Variants in SERGEF observed in about 807,000 individuals in gnomAD.
SERGEF encodes secretion regulating guanine nucleotide exchange factor, also known as secretion-regulating guanine nucleotide exchange factor.
In SERGEF, 51 loss-of-function variants were observed where a neutral mutation model predicts 50.0. That is an observed-to-expected ratio of 1.02 (90% CI 0.81 to 1.29). The LOEUF is 1.29. SERGEF is among the 50% of genes most tolerant of loss of function. The pLI, the probability that SERGEF is intolerant of heterozygous loss-of-function variation, is 0.00. For missense variants in SERGEF, 521 were observed against 557.0 expected (o/e 0.94, Z 0.65); for synonymous variants, 205 against 212.4 (o/e 0.97, Z 0.30).
chr11:17,968,473 G>A (rs1253232335), intron 8 of SERGEF, among the ~76,000 whole-genome samples: 2 of 152,088 alleles, frequency 1.3e-5, no homozygotes, highest in Admixed American at 1.3e-4. Context: ...AGGATCACTT[G>A]AGCCTTGAGT....
At chr11:17,890,306 G>A (rs1851509527) in intron 9 of SERGEF, among the ~76,000 whole-genome samples, 1 of 152,200 alleles carries the variant, frequency 6.6e-6, no homozygotes, top group Non-Finnish European at 1.5e-5. Flanking sequence ...GTTTCTCATA[G>A]TCAGGGAAAT....
intron 10 of SERGEF, among the ~76,000 whole-genome samples, chr11:17,800,010 C>G (rs897278329): frequency 6.6e-6 from 1 of 151,994 alleles, no homozygotes. Flanking sequence ...GATCAAACCC[C>G]GAAGGGAAGA....
chr11:17,891,972 A>G (rs562903323), intron 9 of SERGEF, among the ~76,000 whole-genome samples: 1 of 152,310 alleles, frequency 6.6e-6, no homozygotes, highest in East Asian at 1.9e-4. Context: ...AATTCTGAAA[A>G]TAAGTATTTG....
At chr11:17,958,183 C>T (rs971484896) in intron 9 of SERGEF, among the ~76,000 whole-genome samples, 3 of 152,144 alleles carry the variant, frequency 2.0e-5, no homozygotes, top group Non-Finnish European at 2.9e-5. Flanking sequence ...AATTGAGAAG[C>T]GTCCTACATA....
intron 8 of SERGEF, among the ~76,000 whole-genome samples, chr11:17,963,179 T>C (rs1708871): frequency 1 from 116,556 of 116,606 alleles, 58,253 homozygotes; most frequent in Middle Eastern, 1. Context: ...GAGACTCTGT[T>C]TCAAAAAAAA....
intron 10 of SERGEF, among the ~76,000 whole-genome samples, chr11:17,858,171 T>C (rs938750682): frequency 1.3e-5 from 2 of 152,176 alleles, no homozygotes; most frequent in Admixed American, 6.5e-5. Flanking sequence ...AAAGTATATT[T>C]ATGGGGGGTA....
chr11:17,941,681 T>C (rs1852565013), intron 9 of SERGEF, among the ~76,000 whole-genome samples: 1 of 152,238 alleles, frequency 6.6e-6, no homozygotes, highest in Admixed American at 6.5e-5. Flanking sequence ...ATGGTAATTC[T>C]ATTTTTAATG....
intron 10 of SERGEF, among the ~76,000 whole-genome samples, chr11:17,846,948 G>A (rs903121816): frequency 2.6e-5 from 4 of 152,294 alleles, no homozygotes; most frequent in Admixed American, 1.3e-4. Context: ...TTAGATGTGT[G>A]TGTGTATTAC....
At chr11:17,873,813 G>A (rs540625720) in intron 10 of SERGEF, among the ~76,000 whole-genome samples, 1 of 152,222 alleles carries the variant, frequency 6.6e-6, no homozygotes, top group Non-Finnish European at 1.5e-5. Flanking sequence ...AGCAGGGAGA[G>A]AGGAAACGCA....
At chr11:17,915,214 T>C (rs1403110666) in intron 9 of SERGEF, among the ~76,000 whole-genome samples, 1 of 152,210 alleles carries the variant, frequency 6.6e-6, no homozygotes, top group African/African-American at 2.4e-5. Flanking sequence ...TCCCCCATAA[T>C]GCCCAGGGCA....
At chr11:17,930,886 A>C (rs1352756364) in intron 9 of SERGEF, among the ~76,000 whole-genome samples, 1 of 152,182 alleles carries the variant, frequency 6.6e-6, no homozygotes, top group Admixed American at 6.6e-5. Flanking sequence ...AGTCAGCTGT[A>C]ATCAGCAGGC....
intron 10 of SERGEF, among the ~76,000 whole-genome samples, chr11:17,800,740 C>A (rs1474111305): frequency 6.6e-6 from 1 of 152,068 alleles, no homozygotes; most frequent in Non-Finnish European, 1.5e-5. Context: ...ACCTGTAGGA[C>A]AAGAAGGAGC....
chr11:17,830,058 A>T (rs895672840), intron 10 of SERGEF, among the ~76,000 whole-genome samples: 1 of 152,182 alleles, frequency 6.6e-6, no homozygotes, highest in Non-Finnish European at 1.5e-5. Context: ...ACCTTTCCTG[A>T]CAGGCTCAGA....
intron 8 of SERGEF, among the ~76,000 whole-genome samples, chr11:17,978,725 T>TA (rs2133987522): frequency 6.6e-6 from 1 of 152,306 alleles, no homozygotes; most frequent in Non-Finnish European, 1.5e-5. Flanking sequence ...TGCAAGACCC[T>TA]TTCCCTTTCT....
chr11:17,883,506 A>G (rs1442451435), intron 9 of SERGEF, among the ~76,000 whole-genome samples: 1 of 152,172 alleles, frequency 6.6e-6, no homozygotes, highest in East Asian at 1.9e-4. Flanking sequence ...AACCTAAGAG[A>G]TTCCTTTGTT....
chr11:17,795,456 G>A (rs1849557177), intron 10 of SERGEF, among the ~76,000 whole-genome samples: 1 of 152,174 alleles, frequency 6.6e-6, no homozygotes, highest in African/African-American at 2.4e-5. Context: ...GCTGGCCTGG[G>A]TGGGAGAAAT....
intron 10 of SERGEF, among the ~76,000 whole-genome samples, chr11:17,826,490 G>A (rs556588319): frequency 6.0e-4 from 91 of 152,264 alleles, no homozygotes; most frequent in Non-Finnish European, 9.7e-4. Context: ...TGAGGAATTT[G>A]GAGCATGCTA....
At chr11:17,902,849 G>A (rs537039193) in intron 9 of SERGEF, among the ~76,000 whole-genome samples, 8 of 152,266 alleles carry the variant, frequency 5.3e-5, no homozygotes, top group African/African-American at 1.7e-4. Flanking sequence ...AGGGATATCT[G>A]CCTATCTACC....
intron 10 of SERGEF, among the ~76,000 whole-genome samples, chr11:17,833,931 CGGATGAGACTCT>C (rs1316280534): frequency 2.0e-5 from 3 of 152,158 alleles, no homozygotes; most frequent in Non-Finnish European, 4.4e-5. Context: ...TGCCTGGTCT[CGGATGAGACTCT>C]GGACTGTGGA....
Sources: gnomAD v4.1 joint callset for allele counts (sites outside exome capture counted in the v4.1 genomes callset) on GRCh38, gnomAD v4.1.1 for gene constraint, MANE v1.5 for transcripts, NCBI Gene and HGNC (gene_info 2026-07-23, HGNC 2026-07-21) for gene names.